ACSL5: variants seen among roughly 807,000 people sequenced by gnomAD.
The protein encoded by ACSL5 is acyl-CoA synthetase long chain family member 5, also known as long-chain-fatty-acid--CoA ligase 5.
Under a neutral mutation model 84.9 loss-of-function variants are expected in ACSL5, and 50 were observed. The ratio of observed to expected loss-of-function variants is 0.59; its 90% CI spans 0.47 to 0.75. ACSL5 has a LOEUF of 0.75. Ranked by LOEUF, ACSL5 falls within the 30% of genes least tolerant of loss-of-function variation. The pLI, the probability that ACSL5 is intolerant of heterozygous loss-of-function variation, is 0.00. For missense variants in ACSL5, 775 were observed against 830.4 expected (o/e 0.93, Z 0.82); for synonymous variants, 280 against 300.7 (o/e 0.93, Z 0.71).
At chr10:112,405,386 A>C (rs1844009883) in intron 5 of ACSL5, among the ~76,000 whole-genome samples, 1 of 152,138 alleles carries the variant, frequency 6.6e-6, no homozygotes, top group Admixed American at 6.6e-5. Context: ...AACATACAAA[A>C]TCTGTGTTAA....
chr10:112,412,219 T>C (rs1215999834), intron 11 of ACSL5: 1 of 486,066 alleles, frequency 2.1e-6, no homozygotes, highest in Non-Finnish European at 3.7e-6. Flanking sequence ...TTCATGGGGG[T>C]GTGTGAGTCT....
intron 2 of ACSL5, 104 bp from the exon 3 acceptor site, chr10:112,398,797 G>T: frequency 1.1e-6 from 1 of 883,062 alleles, no homozygotes; most frequent in South Asian, 1.4e-5. Context: ...ACATTCCCGT[G>T]ACCTCAAAAT....
intron 1 of ACSL5, among the ~76,000 whole-genome samples, chr10:112,382,628 C>CAGCAGCAAAGATTTTACCAGTGG (rs1849372089): frequency 6.6e-6 from 1 of 152,178 alleles, no homozygotes; most frequent in Non-Finnish European, 1.5e-5. Flanking sequence ...CTGTGCAATT[C>CAGCAGCAAAGATTTTACCAGTGG]AGCAGCAAAG....
At chr10:112,415,785 G>GA (rs898175292) in intron 12 of ACSL5, among the ~76,000 whole-genome samples, 1 of 152,148 alleles carries the variant, frequency 6.6e-6, no homozygotes, top group Admixed American at 6.5e-5. Context: ...TTTTGAACAA[G>GA]AAAAAAGACT....
rs2133600933 is a variant in ACSL5, at chr10:112,398,977, A to G, written c.233A>G (p.Tyr78Cys). Residue 78 changes from tyrosine (Y) to cysteine (C), a missense_variant, in exon 3 of 21, where the codon TAT becomes TGT. Transcript: ENST00000354655. Reference protein sequence around the residue: ...SCCFSDAKTMYEVFQRGLAVS... With the variant: ...SCCFSDAKTMCEVFQRGLAVS... ...TGCTTCTCAGATGCCAAGACTATGT[A>G]TGAGGTTTTCCAAAGAGGACTCGCT... 3.1e-6 allele frequency: 5 copies of G among 1,614,010 alleles called. No homozygotes were observed. Among genetic ancestry groups the G allele is most frequent in the Non-Finnish European group, 4.2e-6 (5 of 1,179,918 alleles).
chr10:112,428,357 A>C lies in ACSL5; in HGVS notation c.*999A>C, dbSNP rs1589709959. 1 of 398,396 alleles carries C rather than the reference A, an allele frequency of 2.5e-6. No homozygotes were observed. The highest frequency in any genetic ancestry group is 2.1e-5 in the African/African-American group (1 of 48,636). 24.7% of individuals were successfully genotyped at this position (398,396 alleles called of 1,614,324 possible). A position where few individuals can be genotyped will look rare whatever the true frequency, so the allele number is the denominator to read the frequency against. ...TTCTACTTGTAAATGTAAAGTCTTT[A>C]AAATAAACTATTACAGATACTTACG... On this transcript the variant is annotated 3_prime_UTR_variant, in exon 21 of 21. Transcript: ENST00000354655.
chr10:112,375,563 G>C (rs1411061676), intron 1 of ACSL5: 1 of 152,316 alleles, frequency 6.6e-6, no homozygotes, highest in Non-Finnish European at 1.5e-5. Context: ...GGTGGGGAAG[G>C]GGCAGGAAAA....
intron 5 of ACSL5, among the ~76,000 whole-genome samples, chr10:112,407,653 G>A (rs1299675889): frequency 6.6e-6 from 1 of 152,180 alleles, no homozygotes. Context: ...TACAATTCAA[G>A]ATGAGATCTG....
At position 112,426,773 on chromosome 10, in the gene ACSL5, G is replaced by GT. The variant is rs1740764581; in HGVS notation, c.1840-11dup. 1 of 1,612,404 alleles carries GT rather than the reference G, an allele frequency of 6.2e-7. No homozygotes were observed. The highest frequency in any genetic ancestry group is 1.1e-5 in the South Asian group (1 of 91,034). Reference sequence around the variant, plus strand: ...TTGAAACAGCCATGCTTTAAGTGATGTTTTGTATTCTTAGGTTGTAAGGGA... The same window carrying GT: ...TTGAAACAGCCATGCTTTAAGTGATGTTTTTGTATTCTTAGGTTGTAAGGGA... On this transcript the variant is annotated splice_polypyrimidine_tract_variant and intron_variant, in intron 19 of 20. Transcript: ENST00000354655.
intron 3 of ACSL5, among the ~76,000 whole-genome samples, chr10:112,401,409 T>C (rs1843885692): frequency 6.6e-6 from 1 of 152,214 alleles, no homozygotes. Flanking sequence ...AAGCTTTGTA[T>C]TTTTAGCAAC....
At chr10:112,425,883 A>G in intron 18 of ACSL5, among the ~76,000 whole-genome samples, 1 of 152,178 alleles carries the variant, frequency 6.6e-6, no homozygotes. Flanking sequence ...CTGTTGTTTT[A>G]TACATACTAT....
intron 16 of ACSL5, 45 bp from the exon 17 acceptor site, chr10:112,422,280 G>GAGC (rs1253936923): frequency 1.3e-6 from 2 of 1,537,556 alleles, no homozygotes; most frequent in Admixed American, 3.4e-5. Context: ...ACGCTGGGAG[G>GAGC]AGCAGCCTTT....
chr10:112,396,885 C>T (rs374761531), intron 2 of ACSL5, among the ~76,000 whole-genome samples: 8 of 152,304 alleles, frequency 5.3e-5, no homozygotes, highest in East Asian at 3.9e-4. Context: ...TCTGTCTTAA[C>T]GTGATGGCCC....
intron 6 of ACSL5, 37 bp from the exon 7 acceptor site, chr10:112,409,470 G>A (rs1216632794): frequency 6.2e-7 from 1 of 1,602,094 alleles, no homozygotes; most frequent in Non-Finnish European, 8.5e-7. Context: ...ACTTAGCAGA[G>A]AGAGGGAATG....
At chr10:112,387,815 A>C (rs1849482381) in intron 1 of ACSL5, among the ~76,000 whole-genome samples, 1 of 152,236 alleles carries the variant, frequency 6.6e-6, no homozygotes, top group African/African-American at 2.4e-5. Context: ...TCAATTAAAT[A>C]CAAATTAATG....
intron 5 of ACSL5, among the ~76,000 whole-genome samples, chr10:112,407,999 C>T (rs1015520593): frequency 1.3e-5 from 2 of 151,984 alleles, no homozygotes; most frequent in African/African-American, 4.8e-5. Context: ...GTCCCTATGG[C>T]CCCACAGTGA....
chr10:112,383,129 A>G lies in ACSL5; in HGVS notation c.-30+8860A>G, dbSNP rs1344199345. Among the ~76,000 whole-genome samples, 20 of 152,198 alleles carry G rather than the reference A, an allele frequency of 1.3e-4. 1 individual carries two copies. The highest frequency in any genetic ancestry group is 1.3e-3 in the Admixed American group (20 of 15,288). ...ACAAAAAACTTAAAAACAAAAAACA[A>G]AAAACAAAAGCCGAGTGTGGTTGTG... On this transcript the variant is annotated intron_variant, in intron 1 of 20. Transcript: ENST00000354655.
intron 17 of ACSL5, among the ~76,000 whole-genome samples, chr10:112,423,187 C>A (rs1483349089): frequency 1.8e-4 from 3 of 16,564 alleles, no homozygotes; most frequent in Non-Finnish European, 2.7e-4. Context: ...GTCTCTGTCT[C>A]AAAAAAAAAA....
chr10:112,376,498 G>A, intron 1 of ACSL5: 1 of 1,612,046 alleles, frequency 6.2e-7, no homozygotes, highest in Non-Finnish European at 8.5e-7. Context: ...TCTTGTGAGG[G>A]TGTGACAGAG....
Sources: allele counts gnomAD v4.1 joint callset (sites outside exome capture counted in the v4.1 genomes callset), GRCh38; gene constraint gnomAD v4.1.1; transcripts MANE v1.5; gene names NCBI Gene and HGNC (gene_info 2026-07-23, HGNC 2026-07-21).